The following KIAA1217 variants were observed in gnomAD, a reference collection of about 807,000 sequenced individuals.
The protein encoded by KIAA1217 is KIAA1217.
In KIAA1217, 88 loss-of-function variants were observed where a neutral mutation model predicts 163.9. That is an observed-to-expected ratio of 0.54 (90% CI 0.45 to 0.64). The LOEUF (loss-of-function observed/expected upper bound fraction) is 0.64. Ranked by LOEUF, KIAA1217 falls within the 30% of genes least tolerant of loss-of-function variation. The probability of loss-of-function intolerance (pLI) is 0.00; values close to 1 mark genes in which losing one functional copy is unlikely to be tolerated. For missense variants in KIAA1217, 2,372 were observed against 2,475.0 expected, an observed-to-expected ratio of 0.96 and a Z score of 0.88; for synonymous variants, 903 against 923.1, an observed-to-expected ratio of 0.98 and a Z score of 0.39.
At chr10:23,718,559 A>C (rs1374724023) in intron 1 of KIAA1217, among the ~76,000 whole-genome samples, 1 of 151,980 alleles carries the variant, frequency 6.6e-6, no homozygotes, top group Non-Finnish European at 1.5e-5. Flanking sequence ...TATCGGGGAG[A>C]AGAGGATGTG....
At position 24,530,242 on chromosome 10, in the gene KIAA1217, A is replaced by G. The variant is rs184951603; in HGVS notation, c.3083-1588A>G. 3.3e-5 allele frequency among the ~76,000 whole-genome samples: 5 copies of G among 152,226 alleles called. No homozygotes were observed. In the East Asian group the frequency reaches 9.7e-4, roughly 29 times the overall value. ...ATATTACATTTTGTTCACTTACCTCATTTTGGCTCTTGATTCTATCTGATT... is the reference window on the plus strand; with the variant it reads ...ATATTACATTTTGTTCACTTACCTCGTTTTGGCTCTTGATTCTATCTGATT... On this transcript the variant is annotated intron_variant, in intron 14 of 20. Coordinates refer to ENST00000376454, the MANE Select transcript of KIAA1217 (RefSeq NM_019590.5).
intron 3 of KIAA1217, among the ~76,000 whole-genome samples, chr10:24,417,143 G>A (rs3858219): frequency 0.21 from 31,197 of 151,716 alleles, 3,956 homozygotes; most frequent in Non-Finnish European, 0.28. Flanking sequence ...GAAGGCCAGC[G>A]TGATATGAAT....
intron 1 of KIAA1217, among the ~76,000 whole-genome samples, chr10:23,706,003 T>C (rs1471324272): frequency 6.6e-6 from 1 of 152,194 alleles, no homozygotes; most frequent in Non-Finnish European, 1.5e-5. Flanking sequence ...TTAAGTATTT[T>C]ATTTTAAATG....
intron 2 of KIAA1217, among the ~76,000 whole-genome samples, chr10:24,343,591 A>G (rs1288363838): frequency 1.3e-5 from 2 of 152,228 alleles, no homozygotes; most frequent in African/African-American, 2.4e-5. Flanking sequence ...TTTTCATGCA[A>G]TCAACCTCAG....
chr10:24,501,730 T>A, intron 9 of KIAA1217, among the ~76,000 whole-genome samples, 185 bp downstream of exon 9: 1 of 16,488 alleles, frequency 6.1e-5, no homozygotes, highest in Non-Finnish European at 1.1e-4. Flanking sequence ...TAACCACTTC[T>A]TTTTTTTTTT....
At chr10:24,106,201 T>G (rs1242294519) in intron 2 of KIAA1217, among the ~76,000 whole-genome samples, 1 of 152,150 alleles carries the variant, frequency 6.6e-6, no homozygotes, top group African/African-American at 2.4e-5. Flanking sequence ...AACAGGACCC[T>G]GATGCTTGGC....
chr10:24,065,304 A>G lies in KIAA1217; in HGVS notation c.-171+57930A>G, dbSNP rs200513960. On this transcript the variant is annotated intron_variant, in intron 2 of 18. Coordinates refer to the KIAA1217 transcript ENST00000376462. ...TAGTGCTATAAATTTCCCTCTACACACTGCTTTGAATGTGTCCCAGAGATT... is the reference window on the plus strand; with the variant it reads ...TAGTGCTATAAATTTCCCTCTACACGCTGCTTTGAATGTGTCCCAGAGATT... Among the ~76,000 whole-genome samples, 33 of 150,588 alleles carry G rather than the reference A, an allele frequency of 2.2e-4. 1 individual carries two copies. Among genetic ancestry groups the G allele is most frequent in the Admixed American group, 2.1e-3 (32 of 15,132 alleles).
intron 1 of KIAA1217, among the ~76,000 whole-genome samples, chr10:23,974,093 G>A (rs1195404039): frequency 6.6e-6 from 1 of 152,228 alleles, no homozygotes; most frequent in Non-Finnish European, 1.5e-5. Context: ...GAAAAACACA[G>A]ATGTAGAGGA....
At chr10:24,032,400 CT>C (rs1259987158) in intron 2 of KIAA1217, among the ~76,000 whole-genome samples, 1 of 152,164 alleles carries the variant, frequency 6.6e-6, no homozygotes, top group Non-Finnish European at 1.5e-5. Context: ...GCTGGGACTA[CT>C]GCTCAGGAGT....
intron 2 of KIAA1217, among the ~76,000 whole-genome samples, chr10:24,374,745 A>T (rs143671656): frequency 6.6e-6 from 1 of 152,178 alleles, no homozygotes; most frequent in Non-Finnish European, 1.5e-5. Flanking sequence ...CCAAGAAGAC[A>T]TGCATAGCTA....
At chr10:24,425,135 CGTTTAGCGATTTTTTAGATGAAA>C (rs1260680874) in intron 3 of KIAA1217, among the ~76,000 whole-genome samples, 1 of 152,074 alleles carries the variant, frequency 6.6e-6, no homozygotes, top group Admixed American at 6.6e-5. Context: ...CTGGCCAGTC[CGTTTAGCGATTTTTTAGATGAAA>C]GTTTTAGATT....
intron 3 of KIAA1217, among the ~76,000 whole-genome samples, chr10:24,402,516 C>CAAACAAAAA (rs1554849270): frequency 2.2e-5 from 2 of 93,004 alleles, no homozygotes; most frequent in African/African-American, 8.7e-5. Flanking sequence ...CTCAAAAAAA[C>CAAACAAAAA]AAAAAACAAA....
At chr10:24,335,273 A>G (rs1211792235) in intron 2 of KIAA1217, among the ~76,000 whole-genome samples, 1 of 151,130 alleles carries the variant, frequency 6.6e-6, no homozygotes, top group Non-Finnish European at 1.5e-5. Flanking sequence ...GATGGGGAAT[A>G]ACTGCTAATG....
At chr10:24,114,796 C>T (rs1277078979) in intron 2 of KIAA1217, among the ~76,000 whole-genome samples, 1 of 152,184 alleles carries the variant, frequency 6.6e-6, no homozygotes, top group African/African-American at 2.4e-5. Flanking sequence ...AAAGCCAGAC[C>T]TCCTCATCAA....
chr10:24,533,200 A>G lies in KIAA1217; in HGVS notation c.3377A>G (p.Glu1126Gly). 3 of 1,613,130 alleles carry G rather than the reference A, an allele frequency of 1.9e-6. No homozygotes were observed. In the Middle Eastern group the frequency reaches 5.2e-4, roughly 282 times the overall value. Residue 1126 changes from glutamate to glycine, a missense_variant, in exon 16 of 21, where the codon GAA becomes GGA. By Grantham distance (98) the Glu-to-Gly change is moderately conservative. Transcript: ENST00000376454. ...TTSSSKDEEE[E>G]EEEGDKIMAE... ...TCCTCCTCAAAGGATGAGGAGGAAG[A>G]AGAAGAAGAAGGAGACAAAATAATG...
At chr10:24,235,756 A>T (rs2072151009) in intron 2 of KIAA1217, among the ~76,000 whole-genome samples, 1 of 151,162 alleles carries the variant, frequency 6.6e-6, no homozygotes, top group Non-Finnish European at 1.5e-5. Flanking sequence ...TGTCTGAACT[A>T]CCCCAGACTC....
At chr10:24,362,508 A>G (rs2050160590) in intron 2 of KIAA1217, among the ~76,000 whole-genome samples, 1 of 152,246 alleles carries the variant, frequency 6.6e-6, no homozygotes, top group African/African-American at 2.4e-5. Context: ...TTAGATCTTC[A>G]TGTTGGAAGA....
rs143700469 is a variant in KIAA1217, at chr10:24,168,737, G to A, written c.-170-50889G>A. ...ACTGAAGCCAGCCTCGGTTCTCTCC[G>A]GCCACTGTCTGACATTATCAGTGTT... On this transcript the variant is annotated intron_variant, in intron 2 of 18. Coordinates refer to the KIAA1217 transcript ENST00000376462. Among the ~76,000 whole-genome samples, 766 of 152,318 alleles carry A rather than the reference G, an allele frequency of 5.0e-3. 1 individual carries two copies. Among genetic ancestry groups the A allele is most frequent in the Non-Finnish European group, 8.6e-3 (582 of 68,022 alleles).
chr10:23,973,398 G>A (rs959705030), intron 1 of KIAA1217, among the ~76,000 whole-genome samples: 2 of 152,212 alleles, frequency 1.3e-5, no homozygotes, highest in Non-Finnish European at 2.9e-5. Flanking sequence ...GAAAGATTAA[G>A]TAATATCCCC....
Sources: allele counts gnomAD v4.1 joint callset (sites outside exome capture counted in the v4.1 genomes callset), GRCh38; gene constraint gnomAD v4.1.1; transcripts MANE v1.5; gene names NCBI Gene and HGNC (gene_info 2026-07-23, HGNC 2026-07-21).